MARCHF10: variants seen among roughly 807,000 people sequenced by gnomAD.
MARCHF10 encodes membrane associated ring-CH-type finger 10.
Under a neutral mutation model 76.2 loss-of-function variants are expected in MARCHF10, and 64 were observed. The observed-to-expected ratio is 0.84, with a 90% CI of 0.69 to 1.03. The LOEUF is 1.03. MARCHF10 is among the 50% of genes least tolerant of loss of function. The pLI is 0.00. For synonymous variants in MARCHF10, 340 were observed against 357.5 expected (o/e 0.95, Z 0.55); for missense variants, 875 against 958.0 (o/e 0.91, Z 1.14).
At chr17:62,716,401 G>A (rs960482033) in intron 8 of MARCHF10, among the ~76,000 whole-genome samples, 1 of 151,342 alleles carries the variant, frequency 6.6e-6, no homozygotes, top group Admixed American at 6.6e-5. Context: ...AGACCAGCCT[G>A]GGCAACAAAG....
At chr17:62,796,050 G>A (rs557255407) in intron 2 of MARCHF10, among the ~76,000 whole-genome samples, 6 of 151,884 alleles carry the variant, frequency 4.0e-5, no homozygotes, top group Middle Eastern at 3.4e-3. Flanking sequence ...TGTCGCTGAG[G>A]CTGGAGTGCA....
intron 3 of MARCHF10, among the ~76,000 whole-genome samples, chr17:62,763,788 C>G (rs957916767): frequency 1.3e-5 from 2 of 152,204 alleles, no homozygotes; most frequent in Non-Finnish European, 2.9e-5. Context: ...TGCTGAGAAT[C>G]TGATGAAAGT....
At chr17:62,732,254 C>T (rs1487579317) in intron 6 of MARCHF10, among the ~76,000 whole-genome samples, 2 of 152,184 alleles carry the variant, frequency 1.3e-5, no homozygotes, top group African/African-American at 2.4e-5. Context: ...AAAATCCCAA[C>T]AAGTGGATTC....
intron 4 of MARCHF10, among the ~76,000 whole-genome samples, chr17:62,755,995 C>A (rs1284335757): frequency 6.6e-6 from 1 of 151,866 alleles, no homozygotes; most frequent in African/African-American, 2.4e-5. Context: ...ATGCCTGTAA[C>A]CCCAGTACTC....
chr17:62,802,575 A>C (rs1340346117), intron 1 of MARCHF10, among the ~76,000 whole-genome samples: 1 of 152,166 alleles, frequency 6.6e-6, no homozygotes, highest in Admixed American at 6.5e-5. Flanking sequence ...AATCCTAACT[A>C]TGATAGGCCC....
intron 5 of MARCHF10, among the ~76,000 whole-genome samples, chr17:62,741,829 G>A (rs1387723232): frequency 6.6e-6 from 1 of 151,610 alleles, no homozygotes; most frequent in Admixed American, 6.6e-5. Context: ...CGAGTAGCTG[G>A]GACTACAGGT....
At chr17:62,804,557 A>G (rs753085420) in intron 1 of MARCHF10, among the ~76,000 whole-genome samples, 4 of 152,158 alleles carry the variant, frequency 2.6e-5, no homozygotes, top group Non-Finnish European at 5.9e-5. Context: ...CCTTGGTGAG[A>G]GCATTCATTG....
chr17:62,721,214 A>G lies in MARCHF10; in HGVS notation c.2214+1274T>C, dbSNP rs150316388. 3.2e-3 allele frequency among the ~76,000 whole-genome samples: 482 copies of G among 152,152 alleles called. 2 individuals carry two copies. Among genetic ancestry groups the G allele is most frequent in the African/African-American group, 0.01 (434 of 41,516 alleles). On this transcript the variant is annotated intron_variant, in intron 8 of 10. Coordinates refer to ENST00000311269, the MANE Select transcript of MARCHF10 (RefSeq NM_152598.4). The stretch of plus-strand genomic sequence containing the variant: ...CTCTGTGACTTCACTTCTCTTATGG[A>G]TCTAAGAAGGGTTGTTGATTTTGCA...
rs773164584 is a variant in MARCHF10 at position 62,737,212 on chromosome 17, T to C, written c.656A>G (p.Lys219Arg). 1 of 1,614,122 alleles carries C rather than the reference T, an allele frequency of 6.2e-7. No individual in the cohort carries two copies. The highest frequency in any genetic ancestry group is 1.7e-5 in the Admixed American group (1 of 60,024). The change falls in exon 6 of 11, where the codon AAA (lysine) becomes AGA (arginine). Residue 219 changes from lysine (K) to arginine (R), a missense_variant. Coordinates refer to ENST00000311269, the MANE Select transcript of MARCHF10 (RefSeq NM_152598.4). ...PMTENAPDRA[K>R]KGDPSAPSQS... ...GGAAGGAGCACTCGGGTCTCCTTTT[T>C]TGGCTCTATCAGGGGCGTTCTCAGT...
chr17:62,709,311 C>G (rs1428305520), intron 9 of MARCHF10, among the ~76,000 whole-genome samples: 1 of 152,126 alleles, frequency 6.6e-6, no homozygotes, highest in East Asian at 1.9e-4. Context: ...GAAACCCTGC[C>G]TCTACTAAAA....
intron 4 of MARCHF10, among the ~76,000 whole-genome samples, chr17:62,746,613 C>T (rs2091713430): frequency 6.6e-6 from 1 of 152,132 alleles, no homozygotes; most frequent in Admixed American, 6.5e-5. Context: ...CCCCTCAGTT[C>T]TCAGAAGTCC....
At chr17:62,756,396 T>C (rs903724351) in intron 4 of MARCHF10, among the ~76,000 whole-genome samples, 5 of 151,962 alleles carry the variant, frequency 3.3e-5, no homozygotes, top group African/African-American at 1.2e-4. Flanking sequence ...CAGTGACCTA[T>C]GATTGCACCA....
intron 2 of MARCHF10, 119 bp from the exon 3 acceptor site, chr17:62,788,718 C>A: frequency 7.6e-7 from 1 of 1,322,952 alleles, no homozygotes; most frequent in Non-Finnish European, 1.1e-6. Flanking sequence ...AGGTGTTCAT[C>A]AAATACCTCT....
chr17:62,789,375 T>C (rs1026705229), intron 2 of MARCHF10, among the ~76,000 whole-genome samples: 1 of 152,220 alleles, frequency 6.6e-6, no homozygotes, highest in African/African-American at 2.4e-5. Context: ...TTAGAAGCTC[T>C]CTTGGCAAAA....
Position 62,798,456 on chromosome 17 carries a change from A to G in MARCHF10, c.90+3190T>C, listed in dbSNP as rs60179684. 4.9e-4 allele frequency among the ~76,000 whole-genome samples: 74 copies of G among 151,946 alleles called. No individual in the cohort carries two copies. The East Asian group carries it at 8.1e-3, about 17-fold the overall frequency. ...CTGGGAAACATTAAAAAAAAAAAAAAAAAAGAAAGCCAAAGAGTCATGTTT... is the reference window on the plus strand; with the variant it reads ...CTGGGAAACATTAAAAAAAAAAAAAGAAAAGAAAGCCAAAGAGTCATGTTT... On this transcript the variant is annotated intron_variant, in intron 2 of 10. Transcript: ENST00000311269.
intron 6 of MARCHF10, among the ~76,000 whole-genome samples, chr17:62,725,621 A>C (rs941163298): frequency 6.6e-6 from 1 of 152,232 alleles, no homozygotes; most frequent in Non-Finnish European, 1.5e-5. Context: ...GTGAGCTGAC[A>C]TGGAGGACCA....
chr17:62,749,803 C>A (rs2091833498), intron 4 of MARCHF10, among the ~76,000 whole-genome samples: 1 of 152,218 alleles, frequency 6.6e-6, no homozygotes. Context: ...GTTTTGGTTC[C>A]AGTGTGTGCC....
chr17:62,754,112 G>T (rs141080213), intron 4 of MARCHF10, among the ~76,000 whole-genome samples: 217 of 152,132 alleles, frequency 1.4e-3, no homozygotes, highest in African/African-American at 4.9e-3. Context: ...TCACTCTGTC[G>T]CCCAGGCTGG....
chr17:62,741,543 G>A (rs771004065), intron 5 of MARCHF10, among the ~76,000 whole-genome samples: 1 of 152,100 alleles, frequency 6.6e-6, no homozygotes, highest in Non-Finnish European at 1.5e-5. Flanking sequence ...CTAGTATTAC[G>A]TATCATTTTT....
Sources: gnomAD v4.1 joint callset for allele counts (sites outside exome capture counted in the v4.1 genomes callset) on GRCh38, gnomAD v4.1.1 for gene constraint, MANE v1.5 for transcripts, NCBI Gene and HGNC (gene_info 2026-07-23, HGNC 2026-07-21) for gene names.